The following NLN variants were observed in gnomAD, a reference collection of about 807,000 sequenced individuals.
NLN encodes the protein neurolysin.
Under a neutral mutation model 79.9 loss-of-function variants are expected in NLN, and 64 were observed. That is an observed-to-expected ratio of 0.80 (90% CI 0.65 to 0.99). The LOEUF is 0.99. Ranked by LOEUF, NLN falls within the 50% of genes least tolerant of loss-of-function variation. The pLI is 0.00. For missense variants in NLN, 835 were observed against 858.7 expected, an observed-to-expected ratio of 0.97 and a Z score of 0.34; for synonymous variants, 267 against 296.6, an observed-to-expected ratio of 0.90 and a Z score of 1.02.
At chr5:65,762,863 T>C (rs1197789288) in intron 2 of NLN, 97 bp from the exon 3 acceptor site, 39 of 1,205,124 alleles carry the variant, frequency 3.2e-5, no homozygotes, top group Non-Finnish European at 4.3e-5. Context: ...AAACAAACTT[T>C]TATTGGCATG....
chr5:65,798,765 T>G (rs1255825751), intron 9 of NLN, among the ~76,000 whole-genome samples: 1 of 152,268 alleles, frequency 6.6e-6, no homozygotes, highest in African/African-American at 2.4e-5. Context: ...ATGAATGTAT[T>G]AATGCATAAT....
At chr5:65,811,154 A>G (rs893886405) in intron 11 of NLN, among the ~76,000 whole-genome samples, 3 of 152,112 alleles carry the variant, frequency 2.0e-5, no homozygotes, top group African/African-American at 7.2e-5. Context: ...GTGCTTTTAT[A>G]TGTAGTTGGT....
chr5:65,798,234 T>C (rs1283339924), intron 9 of NLN, among the ~76,000 whole-genome samples: 2 of 152,226 alleles, frequency 1.3e-5, no homozygotes, highest in Non-Finnish European at 2.9e-5. Context: ...CTGAAGTAGA[T>C]GGGTACTGTT....
At chr5:65,741,361 T>A (rs969306767) in intron 1 of NLN, among the ~76,000 whole-genome samples, 1 of 152,164 alleles carries the variant, frequency 6.6e-6, no homozygotes, top group African/African-American at 2.4e-5. Flanking sequence ...TTTGTGAAAT[T>A]TTTTTTTCAA....
chr5:65,792,687 CAATT>C, intron 9 of NLN, 32 bp downstream of exon 9: 1 of 1,531,196 alleles, frequency 6.5e-7, no homozygotes, highest in East Asian at 2.2e-5. Context: ...GTAAACCTGC[CAATT>C]AGTTTTTTTA....
At chr5:65,796,320 T>G (rs16875218) in intron 9 of NLN, among the ~76,000 whole-genome samples, 3,816 of 152,338 alleles carry the variant, frequency 0.025, 81 homozygotes, top group African/African-American at 0.063. Flanking sequence ...ATTGTTCCCA[T>G]TATTTCTTAC....
chr5:65,816,441 A>T (rs1300002896), intron 12 of NLN, among the ~76,000 whole-genome samples: 1 of 152,146 alleles, frequency 6.6e-6, no homozygotes, highest in East Asian at 1.9e-4. Context: ...TACTAGCTTT[A>T]ATACCTGGAT....
rs35225716 is a variant in NLN, at chr5:65,734,541, G to GAA, written c.41+12139_41+12140dup. 5.7e-3 allele frequency among the ~76,000 whole-genome samples: 573 copies of GAA among 100,546 alleles called. 85 individuals carry two copies. The highest frequency in any genetic ancestry group is 0.021 in the African/African-American group (519 of 25,316). 66.0% of individuals were successfully genotyped at this position (100,546 alleles called of 152,430 possible). On this transcript the variant is annotated intron_variant, in intron 1 of 12. Coordinates refer to ENST00000380985, the MANE Select transcript of NLN (RefSeq NM_020726.5). ...GTCAAAAATAAATGGAACCTGAATG[G>GAA]AAAAAAAAAAAAAGAAAGACTCTGC...
rs757010212 is a variant in NLN at position 65,781,395 on chromosome 5, A to G, written c.796A>G (p.Met266Val). 1.2e-6 allele frequency: 2 copies of G among 1,608,780 alleles called. No individual in the cohort carries two copies. The highest frequency in any genetic ancestry group is 2.2e-5 in the South Asian group (2 of 90,864). ...CIPETRRRME[M>V]AFNTRCKEEN... ...CCCTGAAACCAGAAGAAGGATGGAA[A>G]TGGCTTTTAATACAAGGTGCAAAGA... The change falls in exon 6 of 13, where the codon ATG (methionine) becomes GTG (valine). Residue 266 changes from methionine to valine, a missense_variant. Met to Val is a conservative substitution (Grantham distance 21). Coordinates refer to ENST00000380985, the MANE Select transcript of NLN (RefSeq NM_020726.5).
chr5:65,780,862 C>T (rs372177757), intron 5 of NLN, among the ~76,000 whole-genome samples: 19 of 152,146 alleles, frequency 1.2e-4, no homozygotes, highest in Middle Eastern at 6.8e-3. Context: ...TTAGTAGAGA[C>T]GGGGTTTCAC....
intron 8 of NLN, among the ~76,000 whole-genome samples, chr5:65,790,536 A>G (rs1760033901): frequency 6.6e-6 from 1 of 152,218 alleles, no homozygotes; most frequent in South Asian, 2.1e-4. Flanking sequence ...AAAGCCCCTT[A>G]TGAAACCATC....
intron 6 of NLN, among the ~76,000 whole-genome samples, chr5:65,785,329 C>G (rs1480649641): frequency 6.6e-6 from 1 of 151,964 alleles, no homozygotes; most frequent in Non-Finnish European, 1.5e-5. Context: ...AGCACATTTT[C>G]TATGTTTTTA....
intron 9 of NLN, among the ~76,000 whole-genome samples, chr5:65,794,581 G>A (rs1760130911): frequency 6.6e-6 from 1 of 151,936 alleles, no homozygotes; most frequent in Non-Finnish European, 1.5e-5. Context: ...CTCCAGCCTG[G>A]GTGAAAAAGT....
intron 1 of NLN, among the ~76,000 whole-genome samples, chr5:65,735,857 A>C (rs1758716396): frequency 6.6e-6 from 1 of 152,194 alleles, no homozygotes; most frequent in Non-Finnish European, 1.5e-5. Flanking sequence ...GCCTTAAATT[A>C]ACATAAGCTG....
intron 12 of NLN, among the ~76,000 whole-genome samples, chr5:65,816,612 C>CAT (rs1760677738): frequency 1.3e-5 from 2 of 151,838 alleles, no homozygotes; most frequent in East Asian, 3.9e-4. Context: ...GCCACAACCA[C>CAT]AGAGTGTTAT....
intron 1 of NLN, among the ~76,000 whole-genome samples, chr5:65,727,666 C>G (rs993166524): frequency 1.1e-4 from 16 of 152,102 alleles, no homozygotes; most frequent in African/African-American, 3.9e-4. Context: ...GTGACATGGT[C>G]AAAGAAACAA....
chr5:65,723,814 C>CAAAAAAAAAAAAAAAAA (rs760572199), intron 1 of NLN, among the ~76,000 whole-genome samples: 17 of 55,314 alleles, frequency 3.1e-4, no homozygotes, highest in African/African-American at 8.9e-4. Flanking sequence ...GACTCCGTCT[C>CAAAAAAAAAAAAAAAAA]AAAAAAAAAA....
intron 9 of NLN, among the ~76,000 whole-genome samples, chr5:65,807,082 C>A (rs747621077): frequency 6.6e-6 from 1 of 151,154 alleles, no homozygotes; most frequent in Non-Finnish European, 1.5e-5. Context: ...GAAGGTAAGG[C>A]GGGAGGATCG....
At chr5:65,788,607 G>A (rs1316577174) in intron 8 of NLN, 123 bp downstream of exon 8, 1 of 979,774 alleles carries the variant, frequency 1.0e-6, no homozygotes, top group East Asian at 2.4e-5. Flanking sequence ...AGGCCAAGGT[G>A]GGAGGATTGC....
Sources: allele counts gnomAD v4.1 joint callset (sites outside exome capture counted in the v4.1 genomes callset), GRCh38; gene constraint gnomAD v4.1.1; transcripts MANE v1.5; gene names NCBI Gene and HGNC (gene_info 2026-07-23, HGNC 2026-07-21).